The following TOR1B variants were observed in gnomAD, a reference collection of about 807,000 sequenced individuals.
TOR1B encodes torsin-1B.
TOR1B carries 14 observed loss-of-function variants against 29.2 expected under a neutral mutation model. The ratio of observed to expected loss-of-function variants is 0.48; its 90% CI spans 0.32 to 0.75. TOR1B has a LOEUF of 0.75. TOR1B is among the 30% of genes least tolerant of loss of function. The probability of loss-of-function intolerance (pLI) is 0.04; values close to 1 mark genes in which losing one functional copy is unlikely to be tolerated. For missense variants in TOR1B, 400 were observed against 433.9 expected, an observed-to-expected ratio of 0.92 and a Z score of 0.69; for synonymous variants, 166 against 179.8, an observed-to-expected ratio of 0.92 and a Z score of 0.62.
chr9:129,809,712 CT>C lies in TOR1B; in HGVS notation c.*137del, dbSNP rs577501387. 18 of 1,473,716 alleles carry C rather than the reference CT, an allele frequency of 1.2e-5. No individual in the cohort carries two copies. The highest frequency in any genetic ancestry group is 2.6e-5 in the Admixed American group (1 of 38,500). The allele number at this position is 1,473,716 out of a possible 1,614,324, so 91.3% of individuals were successfully genotyped here. On this transcript the variant is annotated 3_prime_UTR_variant, in exon 5 of 5. Transcript: ENST00000259339. ...CACCTTAGACTTTTGGGTATAGAAT[CT>C]TTTTTTTGAGAAGAGGTCTCACTCC...
In TOR1B at chr9:129,807,212, G is replaced by A. The variant is rs1295827436; in HGVS notation, c.490G>A (p.Gly164Ser). ...YQDQLQKWIR[G>S]NVSACANSVF... is the part of the protein sequence containing the mutation. ...GGACCAGTTACAGAAGTGGATCCGC[G>A]GTAATGTGAGTGCATGTGCGAACTC... The change falls in exon 3 of 5, where the codon GGT (glycine) becomes AGT (serine). Residue 164 changes from glycine (G) to serine (S), a missense_variant. By Grantham distance (56) the Gly-to-Ser change is moderately conservative. Transcript: ENST00000259339. The A allele has an allele frequency of 1.4e-5, 23 of 1,613,944 alleles. No homozygotes were observed. The highest frequency in any genetic ancestry group is 1.6e-4 in the Middle Eastern group (1 of 6,084).
In TOR1B at chr9:129,804,201, T is replaced by G; in HGVS notation, c.328T>G (p.Trp110Gly). 6.2e-7 allele frequency: 1 copy of G among 1,614,228 alleles called. No homozygotes were observed. Among genetic ancestry groups the G allele is most frequent in the Non-Finnish European group, 8.5e-7 (1 of 1,180,042 alleles). ...ACCACTGACCCTTTCCTTACACGGCTGGGCTGGCACAGGCAAGAATTTTGT... is the reference window on the plus strand; with the variant it reads ...ACCACTGACCCTTTCCTTACACGGCGGGGCTGGCACAGGCAAGAATTTTGT... Reference protein sequence around the residue: ...KKPLTLSLHGWAGTGKNFVSQ... With the variant: ...KKPLTLSLHGGAGTGKNFVSQ... Residue 110 changes from tryptophan to glycine, a missense_variant, in exon 2 of 5, where the codon TGG becomes GGG. Trp to Gly is a radical substitution (Grantham distance 184). Transcript: ENST00000259339.
intron 2 of TOR1B, among the ~76,000 whole-genome samples, chr9:129,805,281 C>G (rs1396378701): frequency 2.6e-5 from 4 of 152,064 alleles, no homozygotes; most frequent in Non-Finnish European, 5.9e-5. Context: ...ATGGAGAAAC[C>G]CCGTCTCTAC....
chr9:129,803,962 C>T (rs2130985256), intron 1 of TOR1B, 111 bp from the exon 2 acceptor site: 1 of 1,435,758 alleles, frequency 7.0e-7, no homozygotes, highest in Non-Finnish European at 9.5e-7. Flanking sequence ...AGACACCCTG[C>T]TGTGTCCCTG....
chr9:129,809,530 A>G lies in TOR1B; in HGVS notation c.958A>G (p.Ile320Val). Residue 320 changes from isoleucine (I) to valine (V), a missense_variant, in exon 5 of 5, where the codon ATC becomes GTC. By Grantham distance (29) the Ile-to-Val change is conservative. Coordinates refer to ENST00000259339, the MANE Select transcript of TOR1B (RefSeq NM_014506.3). ...EMTFFPRDEK[I>V]YSDKGCKTVQ... Reference sequence around the variant, plus strand: ...GACGTTTTTCCCCAGAGACGAGAAAATCTACTCAGACAAGGGCTGCAAGAC... The same window carrying G: ...GACGTTTTTCCCCAGAGACGAGAAAGTCTACTCAGACAAGGGCTGCAAGAC... 6.2e-7 allele frequency: 1 copy of G among 1,614,164 alleles called. No homozygotes were observed. The highest frequency in any genetic ancestry group is 8.5e-7 in the Non-Finnish European group (1 of 1,180,024).
At chr9:129,806,648 G>A (rs1306162282) in intron 2 of TOR1B, among the ~76,000 whole-genome samples, 1 of 152,134 alleles carries the variant, frequency 6.6e-6, no homozygotes, top group Non-Finnish European at 1.5e-5. Context: ...AGGGTGAGGT[G>A]GGTGGATCAC....
At chr9:129,806,753 G>A (rs866264852) in intron 2 of TOR1B, among the ~76,000 whole-genome samples, 1 of 152,034 alleles carries the variant, frequency 6.6e-6, no homozygotes, top group Non-Finnish European at 1.5e-5. Flanking sequence ...GCAGGGGATC[G>A]GGGCGCCTGT....
Position 129,808,942 on chromosome 9 carries a change from G to A in TOR1B, c.679G>A (p.Asp227Asn), listed in dbSNP as rs768801984. Residue 227 changes from aspartate to asparagine, a missense_variant, in exon 4 of 5, where the codon GAC becomes AAC. Physicochemically the swap from Asp to Asn is conservative, Grantham distance 23. Coordinates refer to ENST00000259339, the MANE Select transcript of TOR1B (RefSeq NM_014506.3). Reference sequence around the variant, plus strand: ...GGACCTTATAACTAAGACGGCTCTTGACTTTTGGCGGGCCGGAAGAAAGAG... The same window carrying A: ...GGACCTTATAACTAAGACGGCTCTTAACTTTTGGCGGGCCGGAAGAAAGAG... ...GGDLITKTALDFWRAGRKRED... is the reference protein window; with the variant it reads ...GGDLITKTALNFWRAGRKRED... 5.0e-6 allele frequency: 8 copies of A among 1,613,888 alleles called. No homozygotes were observed. Among genetic ancestry groups the A allele is most frequent in the African/African-American group, 2.7e-5 (2 of 74,884 alleles).
In TOR1B at chr9:129,810,233, C is replaced by G. The variant is rs2030768070; in HGVS notation, c.*650C>G. The G allele has an allele frequency of 1.5e-6, 2 of 1,304,168 alleles. No individual in the cohort carries two copies. Among genetic ancestry groups the G allele is most frequent in the Non-Finnish European group, 2.0e-6 (2 of 988,948 alleles). 80.8% of individuals were successfully genotyped at this position (1,304,168 alleles called of 1,614,324 possible). On this transcript the variant is annotated 3_prime_UTR_variant, in exon 5 of 5. Transcript: ENST00000259339. The stretch of plus-strand genomic sequence containing the variant: ...TGTCTCGTTCTTTACACAGAGTTCA[C>G]TGACTTGAAGTATACTCAGTTAAAA...
At chr9:129,808,807 C>T in intron 3 of TOR1B, 98 bp from the exon 4 acceptor site, 2 of 1,495,432 alleles carry the variant, frequency 1.3e-6, no homozygotes, top group African/African-American at 1.4e-5. Flanking sequence ...CTGCCTCGGC[C>T]TCCCAAAGTG....
At position 129,807,947 on chromosome 9, in the gene TOR1B, G is replaced by A. The variant is rs117157191; in HGVS notation, c.641+584G>A. Among the ~76,000 whole-genome samples the A allele has an allele frequency of 6.8e-3, 1,039 of 152,192 alleles. 7 individuals carry two copies. Among genetic ancestry groups the A allele is most frequent in the Middle Eastern group, 0.02 (6 of 294 alleles). On this transcript the variant is annotated intron_variant, in intron 3 of 4. Transcript: ENST00000259339. ...AGCTCCTGGGGAAGTCGAGGCAGGA[G>A]GATTGGTTGAGCCCAGGAGTTCAAG...
At chr9:129,808,878 T>G in intron 3 of TOR1B, 27 bp from the exon 4 acceptor site, 1 of 1,612,382 alleles carries the variant, frequency 6.2e-7, no homozygotes. Context: ...TATGTGATTT[T>G]AATCTTTATT....
At position 129,804,150 on chromosome 9, in the gene TOR1B, T is replaced by C. The variant is rs2030331109; in HGVS notation, c.277T>C (p.Phe93Leu). ...AGTGATTTTCAAGGCGCTGACTGGC[T>C]TCAGGAACAACAAAAATCCCAAGAA... is the stretch of plus-strand genomic sequence containing the variant. ...TEVIFKALTG[F>L]RNNKNPKKPL... The change falls in exon 2 of 5, where the codon TTC becomes CTC. Residue 93 changes from phenylalanine (F) to leucine (L), a missense_variant. Transcript: ENST00000259339. 6.2e-7 allele frequency: 1 copy of C among 1,614,200 alleles called. No homozygotes were observed. Among genetic ancestry groups the C allele is most frequent in the Non-Finnish European group, 8.5e-7 (1 of 1,180,036 alleles).
In TOR1B at chr9:129,810,205, C is replaced by G. The variant is rs1483947844; in HGVS notation, c.*622C>G. 3.1e-6 allele frequency: 4 copies of G among 1,304,246 alleles called. No homozygotes were observed. In the South Asian group the frequency reaches 3.7e-5, roughly 12 times the overall value. The allele number at this position is 1,304,246 out of a possible 1,614,324, so 80.8% of individuals were successfully genotyped here. On this transcript the variant is annotated 3_prime_UTR_variant, in exon 5 of 5. Coordinates refer to ENST00000259339, the MANE Select transcript of TOR1B (RefSeq NM_014506.3). ...CTCATTGGCCAAAAACATCCTTTTGCTCTGTCTCGTTCTTTACACAGAGTT... is the reference window on the plus strand; with the variant it reads ...CTCATTGGCCAAAAACATCCTTTTGGTCTGTCTCGTTCTTTACACAGAGTT...
intron 3 of TOR1B, 96 bp downstream of exon 3, chr9:129,807,459 C>A: frequency 6.8e-7 from 1 of 1,471,368 alleles, no homozygotes; most frequent in Non-Finnish European, 9.2e-7. Flanking sequence ...TTTACCAGGA[C>A]GAAAGTGCCT....
chr9:129,805,193 C>A (rs2030407928), intron 2 of TOR1B, among the ~76,000 whole-genome samples: 1 of 151,204 alleles, frequency 6.6e-6, no homozygotes, highest in African/African-American at 2.4e-5. Context: ...TGGCTCACGC[C>A]TGTAATCCCA....
At position 129,803,935 on chromosome 9, in the gene TOR1B, C is replaced by T. The variant is rs187302550; in HGVS notation, c.200-138C>T. The stretch of plus-strand genomic sequence containing the variant: ...TGAAAGTGGCATCGTTTGACTGCCT[C>T]GGCCCTAGGGTGTGGCAGACACCCT... On this transcript the variant is annotated intron_variant, in intron 1 of 4. Transcript: ENST00000259339. 18 of 1,096,718 alleles carry T rather than the reference C, an allele frequency of 1.6e-5. No individual in the cohort carries two copies. In the African/African-American group the frequency reaches 2.0e-4, roughly 12 times the overall value. The allele number at this position is 1,096,718 out of a possible 1,614,324, so 67.9% of individuals were successfully genotyped here. A position where few individuals can be genotyped will look rare whatever the true frequency, so the allele number is the denominator to read the frequency against.
In TOR1B at chr9:129,807,466, G is replaced by A. The variant is rs894135713; in HGVS notation, c.641+103G>A. On this transcript the variant is annotated intron_variant, in intron 3 of 4. Transcript: ENST00000259339. ...GCACTTTGTTTACCAGGACGAAAGTGCCTGCTTGGCACAAGGCACTTACCT... is the reference window on the plus strand; with the variant it reads ...GCACTTTGTTTACCAGGACGAAAGTACCTGCTTGGCACAAGGCACTTACCT... 1.2e-4 allele frequency: 166 copies of A among 1,422,054 alleles called. 2 individuals are homozygous for A. Among genetic ancestry groups the A allele is most frequent in the Non-Finnish European group, 8.2e-5 (85 of 1,039,646 alleles). 88.1% of individuals were successfully genotyped at this position (1,422,054 alleles called of 1,614,324 possible).
chr9:129,810,408 C>G lies in TOR1B; in HGVS notation c.*825C>G, dbSNP rs2030796713. 2 of 1,218,512 alleles carry G rather than the reference C, an allele frequency of 1.6e-6. No individual in the cohort carries two copies. Among genetic ancestry groups the G allele is most frequent in the South Asian group, 2.9e-5 (2 of 70,162 alleles). The allele number at this position is 1,218,512 out of a possible 1,614,324, so 75.5% of individuals were successfully genotyped here. A position where few individuals can be genotyped will look rare whatever the true frequency, so the allele number is the denominator to read the frequency against. Reference sequence around the variant, plus strand: ...AGCAGACCTGGACAGACAGGCCCCTCCCGCCTGTCCATCGCTCTAGCTGCT... The same window carrying G: ...AGCAGACCTGGACAGACAGGCCCCTGCCGCCTGTCCATCGCTCTAGCTGCT... On this transcript the variant is annotated 3_prime_UTR_variant, in exon 5 of 5. Transcript: ENST00000259339.
Sources: gnomAD v4.1 joint callset for allele counts (sites outside exome capture counted in the v4.1 genomes callset) on GRCh38, gnomAD v4.1.1 for gene constraint, MANE v1.5 for transcripts, NCBI Gene and HGNC (gene_info 2026-07-23, HGNC 2026-07-21) for gene names.